MUC4: variants seen among roughly 807,000 people sequenced by gnomAD.
MUC4 encodes the protein mucin 4, cell surface associated, also known as mucin-4.
Under a neutral mutation model 257.9 loss-of-function variants are expected in MUC4, and 202 were observed. That is an observed-to-expected ratio of 0.78 (90% confidence interval 0.70 to 0.88). The LOEUF is 0.88. Among genes scored for constraint, MUC4 ranks in the 40% least tolerant of loss-of-function variants. The probability of loss-of-function intolerance (pLI) is 0.00; values close to 1 mark genes in which losing one functional copy is unlikely to be tolerated. For missense variants in MUC4, 5,976 were observed against 6,513.7 expected (o/e 0.92, Z 2.84); for synonymous variants, 2,351 against 2,757.1 (o/e 0.85, Z 4.62).
chr3:195,749,081 A>C lies in MUC4; in HGVS notation c.15872-17T>G, dbSNP rs1715790319. Reference sequence around the variant, plus strand: ...TCACGTTCACTGTCGGGAAGGACACAGATTAACACAGAAAGCAACCGATGA... The same window carrying C: ...TCACGTTCACTGTCGGGAAGGACACCGATTAACACAGAAAGCAACCGATGA... On this transcript the variant is annotated splice_polypyrimidine_tract_variant and intron_variant, in intron 23 of 24. Transcript: ENST00000463781. 4 of 1,607,480 alleles carry C rather than the reference A, an allele frequency of 2.5e-6. No individual in the cohort carries two copies. The East Asian group carries it at 8.9e-5, about 36-fold the overall frequency.
chr3:195,769,285 A>G, intron 6 of MUC4, 133 bp from the exon 7 acceptor site: 1 of 1,337,818 alleles, frequency 7.5e-7, no homozygotes, highest in Non-Finnish European at 1.0e-6. Flanking sequence ...CACAGCAAAG[A>G]CATGGGCCCA....
chr3:195,773,955 G>T (rs1411595235), intron 4 of MUC4, among the ~76,000 whole-genome samples: 1 of 152,218 alleles, frequency 6.6e-6, no homozygotes, highest in Admixed American at 6.5e-5. Flanking sequence ...TCCTGAGAAG[G>T]CCCCGCAGAA....
intron 21 of MUC4, 133 bp downstream of exon 21, chr3:195,752,240 C>T (rs1200820261): frequency 1.2e-5 from 10 of 830,078 alleles, no homozygotes; most frequent in Non-Finnish European, 2.0e-5. Flanking sequence ...TCCCATGGGG[C>T]AAGAGGCTCC....
chr3:195,754,873 GTATGTATCCATGT>G (rs1560226961), intron 18 of MUC4, among the ~76,000 whole-genome samples: 2 of 149,120 alleles, frequency 1.3e-5, no homozygotes, highest in Non-Finnish European at 3.0e-5. Flanking sequence ...ATGTATCAAT[GTATGTATCCATGT>G]ATGTATCCAT....
chr3:195,810,002 C>G lies in MUC4; in HGVS notation c.82+1734G>C, dbSNP rs1359237054. The G allele has an allele frequency of 6.6e-6, 1 of 152,350 alleles. No individual in the cohort carries two copies. Among genetic ancestry groups the G allele is most frequent in the Non-Finnish European group, 1.5e-5 (1 of 68,196 alleles). The allele number at this position is 152,350 out of a possible 1,614,324, so 9.4% of individuals were successfully genotyped here. ...GCCTCGCTCTGGGAGTCATGATTCC[C>G]GTGGAGACTCCTTCAACCACATCTG... On this transcript the variant is annotated intron_variant, in intron 1 of 24. Transcript: ENST00000463781. The surrounding 1 kb of genome is among the most constrained non-coding windows in gnomAD (Gnocchi z 4.2).
At chr3:195,763,670 G>A (rs1298246793) in intron 11 of MUC4, 29 bp from the exon 12 acceptor site, 1 of 1,469,616 alleles carries the variant, frequency 6.8e-7, no homozygotes, top group Non-Finnish European at 9.1e-7. Context: ...TGCTGCCTCA[G>A]CATGACAAAT....
At chr3:195,805,345 A>G (rs1010499441) in intron 1 of MUC4, among the ~76,000 whole-genome samples, 1 of 151,956 alleles carries the variant, frequency 6.6e-6, no homozygotes, top group African/African-American at 2.4e-5. Flanking sequence ...CAAACCAAGA[A>G]GCACCAAAAT....
chr3:195,747,151 G>A lies in MUC4; in HGVS notation c.*25C>T. On this transcript the variant is annotated 3_prime_UTR_variant, in exon 25 of 25. Coordinates refer to ENST00000463781, the MANE Select transcript of MUC4 (RefSeq NM_018406.7). ...GCGGTAAGGATGAGGTGAGTCTTGA[G>A]GTAGCCTAGGCCACAGCTGCCCCTT... 6.2e-7 allele frequency: 1 copy of A among 1,613,826 alleles called. No individual in the cohort carries two copies. The highest frequency in any genetic ancestry group is 8.5e-7 in the Non-Finnish European group (1 of 1,179,692).
At chr3:195,778,626 G>C (rs1401499870) in intron 2 of MUC4, among the ~76,000 whole-genome samples, 164 bp downstream of exon 2, 1 of 152,194 alleles carries the variant, frequency 6.6e-6, no homozygotes, top group Non-Finnish European at 1.5e-5. Context: ...CGGCACAAAG[G>C]AGGGTGAGCC....
rs141462807 is a variant in MUC4 at position 195,778,341 on chromosome 3, C to T, written c.12905G>A (p.Arg4302His). The T allele has an allele frequency of 1.6e-5, 26 of 1,612,326 alleles. No homozygotes were observed. In the African/African-American group the frequency reaches 2.0e-4, roughly 12 times the overall value. The change falls in exon 3 of 25, where the codon CGC becomes CAC. Residue 4302 changes from arginine (R) to histidine (H), a missense_variant. By Grantham distance (29) the Arg-to-His change is conservative. Around this residue, in one of 44 missense-constraint regions of MUC4, gnomAD observed 233 missense variants for 171.2 expected, o/e 1.36. Coordinates refer to ENST00000463781, the MANE Select transcript of MUC4 (RefSeq NM_018406.7). ...GATGGGGATGGGGGCAGCTGTGGAG[C>T]GGGTGTGCATGGCAGTGCTGGGAAT... ...STIPSTAMHT[R>H]STAAPIPILP...
chr3:195,748,149 A>G (rs2641725), intron 24 of MUC4, among the ~76,000 whole-genome samples: 115,907 of 152,134 alleles, frequency 0.76, 41,167 homozygotes, highest in Non-Finnish European at 0.82. Context: ...GGGACTGCTG[A>G]TGAGGGCAGG....
chr3:195,805,124 G>A (rs1161191782), intron 1 of MUC4, among the ~76,000 whole-genome samples: 3 of 151,232 alleles, frequency 2.0e-5, no homozygotes, highest in East Asian at 3.9e-4. Context: ...GCAGTGGTGC[G>A]ATCTCAGCTC....
rs1447799789 is a variant in MUC4 at position 195,780,323 on chromosome 3, C to T, written c.11257G>A (p.Ala3753Thr). The change falls in exon 2 of 25, where the codon GCA becomes ACA. Residue 3753 changes from alanine (A) to threonine (T), a missense_variant. Physicochemically the swap from Ala to Thr is moderately conservative, Grantham distance 58. This residue lies in a region of MUC4 where 330 missense variants were observed against 262.0 expected (regional missense o/e 1.26). Transcript: ENST00000463781. ...AGAGGGGTGGCGTGACCTGTGGATG[C>T]TGAGGAAGTGCTGGTGACAGGAAGA... ...TPLPVTSTSS[A>T]STGHATPLLV... 1 of 1,525,874 alleles carries T rather than the reference C, an allele frequency of 6.6e-7. No individual in the cohort carries two copies. The highest frequency in any genetic ancestry group is 8.8e-7 in the Non-Finnish European group (1 of 1,131,048). The allele number at this position is 1,525,874 out of a possible 1,614,324, so 94.5% of individuals were successfully genotyped here.
chr3:195,787,809 T>A lies in MUC4; in HGVS notation c.3771A>T (p.Ala1257=). 5.1e-6 allele frequency: 3 copies of A among 586,706 alleles called. No homozygotes were observed. The highest frequency in any genetic ancestry group is 3.1e-5 in the East Asian group (1 of 31,818). 36.3% of individuals were successfully genotyped at this position (586,706 alleles called of 1,614,324 possible). Residue 1257 remains alanine (A), a synonymous_variant, in exon 2 of 25, where the codon GCA becomes GCT. Coordinates refer to ENST00000463781, the MANE Select transcript of MUC4 (RefSeq NM_018406.7). ...GAAGAGAGGTGGCCTGACCTGTGGA[T>A]GCTGAGGAAGTGTCGGTGACAGGAA... is the stretch of plus-strand genomic sequence containing the variant. The part of the protein sequence containing the change: ...TPLPVTDTSS[A]STGQATSLLV...
Position 195,778,394 on chromosome 3 carries a change from G to C in MUC4, c.12852C>G (p.Pro4284=), listed in dbSNP as rs772205924. 1 of 1,613,000 alleles carries C rather than the reference G, an allele frequency of 6.2e-7. No homozygotes were observed. Among genetic ancestry groups the C allele is most frequent in the Admixed American group, 1.7e-5 (1 of 59,906 alleles). The change falls in exon 3 of 25, where the codon CCC becomes CCG. Residue 4284 remains proline, a synonymous_variant. Coordinates refer to ENST00000463781, the MANE Select transcript of MUC4 (RefSeq NM_018406.7). The part of the protein sequence containing the change: ...GGRRTATSPP[P]TTSQTIISTI... ...TGGAAATGATGGTCTGGGAGGTTGT[G>C]GGGGGTGGTGATGTGGCTGTGCGTC...
At chr3:195,747,890 TTCAGCTGCACGTGCAG>T (rs1238936299) in intron 24 of MUC4, among the ~76,000 whole-genome samples, 1 of 152,326 alleles carries the variant, frequency 6.6e-6, no homozygotes, top group South Asian at 2.1e-4. Flanking sequence ...CTGGTGTGAA[TTCAGCTGCACGTGCAG>T]TCAGCTGCAC....
intron 4 of MUC4, among the ~76,000 whole-genome samples, chr3:195,772,497 C>CAT (rs1723171258): frequency 6.5e-5 from 4 of 61,822 alleles, no homozygotes; most frequent in Non-Finnish European, 8.8e-5. Flanking sequence ...AGACACCCTC[C>CAT]CTTCATCGCT....
At chr3:195,770,693 C>T (rs1218892750) in intron 5 of MUC4, 3 of 451,710 alleles carry the variant, frequency 6.6e-6, no homozygotes, top group Non-Finnish European at 1.2e-5. Flanking sequence ...CATGCCTAAT[C>T]TGCAGCTTCT....
At chr3:195,760,267 G>A (rs1011212894) in intron 16 of MUC4, among the ~76,000 whole-genome samples, 5 of 152,198 alleles carry the variant, frequency 3.3e-5, no homozygotes, top group African/African-American at 1.2e-4. Context: ...TTTTAGACAG[G>A]GCGGCCAAGA....
Sources: gnomAD v4.1 joint callset for allele counts (sites outside exome capture counted in the v4.1 genomes callset) on GRCh38, gnomAD v4.1.1 for gene constraint, gnomAD v4.1.1 regional missense constraint, Gnocchi (gnomAD v3.1) non-coding constraint, MANE v1.5 for transcripts, NCBI Gene and HGNC (gene_info 2026-07-23, HGNC 2026-07-21) for gene names.